Variants in MAPRE3 observed in about 807,000 individuals in gnomAD.
MAPRE3 encodes microtubule-associated protein RP/EB family member 3.
Under a neutral mutation model 30.5 loss-of-function variants are expected in MAPRE3, and 2 were observed. The observed-to-expected ratio is 0.07, with a 90% confidence interval of 0.03 to 0.21. The LOEUF is 0.21. Among genes scored for constraint, MAPRE3 ranks in the 10% least tolerant of loss-of-function variants. MAPRE3 has a pLI of 1.00. For missense variants in MAPRE3, 204 were observed against 351.8 expected (o/e 0.58, Z 3.36); for synonymous variants, 110 against 127.7 (o/e 0.86, Z 0.93).
In MAPRE3 at chr2:27,026,615, T is replaced by G; in HGVS notation, c.*267T>G. The G allele has an allele frequency of 5.0e-6, 2 of 398,402 alleles. No homozygotes were observed. Among genetic ancestry groups the G allele is most frequent in the Non-Finnish European group, 8.9e-6 (2 of 224,432 alleles). 24.7% of individuals were successfully genotyped at this position (398,402 alleles called of 1,614,324 possible). A position where few individuals can be genotyped will look rare whatever the true frequency, so the allele number is the denominator to read the frequency against. Reference sequence around the variant, plus strand: ...GTCTCTCTGCTGTGTCGCCCAACACTTCCCAGGGTGCTGCTGCCACCCGCC... The same window carrying G: ...GTCTCTCTGCTGTGTCGCCCAACACGTCCCAGGGTGCTGCTGCCACCCGCC... On this transcript the variant is annotated 3_prime_UTR_variant, in exon 7 of 7. Coordinates refer to ENST00000233121, the MANE Select transcript of MAPRE3 (RefSeq NM_012326.4).
intron 4 of MAPRE3, among the ~76,000 whole-genome samples, chr2:27,024,976 A>G (rs1437999787): frequency 6.6e-6 from 1 of 152,014 alleles, no homozygotes; most frequent in Non-Finnish European, 1.5e-5. Flanking sequence ...CTTGCTTTGC[A>G]CTAGAAGCAG....
intron 6 of MAPRE3, 29 bp from the exon 7 acceptor site, chr2:27,026,251 A>G: frequency 6.3e-7 from 1 of 1,599,214 alleles, no homozygotes; most frequent in East Asian, 2.2e-5. Flanking sequence ...TGCCTGGCCC[A>G]CCACTTTCCT....
At chr2:27,018,506 T>C (rs959541414) in intron 1 of MAPRE3, among the ~76,000 whole-genome samples, 3 of 152,220 alleles carry the variant, frequency 2.0e-5, no homozygotes, top group African/African-American at 4.8e-5. Flanking sequence ...TAGCACACTT[T>C]GGGGCATTTG....
At position 27,025,662 on chromosome 2, in the gene MAPRE3, T is replaced by A; in HGVS notation, c.549T>A (p.Ile183=). 1 of 1,612,966 alleles carries A rather than the reference T, an allele frequency of 6.2e-7. No homozygotes were observed. The highest frequency in any genetic ancestry group is 1.3e-5 in the African/African-American group (1 of 74,988). ...GRLSNVAPPC[I]LRKNPPSARN... is the part of the protein sequence containing the mutation. ...TGAGCAATGTGGCCCCCCCCTGCAT[T>A]CTCCGGAAGAATCCTCCATCAGCCC... The change falls in exon 5 of 7, where the codon ATT becomes ATA. Residue 183 remains isoleucine, a synonymous_variant. Transcript: ENST00000233121.
At chr2:27,009,165 ATGGAG>A (rs1666795448) in intron 1 of MAPRE3, among the ~76,000 whole-genome samples, 1 of 152,202 alleles carries the variant, frequency 6.6e-6, no homozygotes, top group East Asian at 1.9e-4. Flanking sequence ...ATAAAATTTC[ATGGAG>A]TATATGCCAA....
chr2:26,976,642 G>A (rs1666019760), intron 1 of MAPRE3, among the ~76,000 whole-genome samples: 1 of 152,138 alleles, frequency 6.6e-6, no homozygotes, highest in Non-Finnish European at 1.5e-5. Context: ...TTTAGGCTCT[G>A]GATGCTTCAT....
chr2:26,984,678 G>A (rs573271031), intron 1 of MAPRE3: 1 of 152,318 alleles, frequency 6.6e-6, no homozygotes, highest in South Asian at 2.1e-4. Flanking sequence ...CCAACCCTAA[G>A]CCCCTCCATA....
Position 27,015,315 on chromosome 2 carries a change from T to G in MAPRE3, c.-7-6897T>G, listed in dbSNP as rs540285338. On this transcript the variant is annotated intron_variant, in intron 1 of 6. Coordinates refer to ENST00000233121, the MANE Select transcript of MAPRE3 (RefSeq NM_012326.4). The surrounding 1 kb of genome is among the most constrained non-coding windows in gnomAD (Gnocchi z 4.0). ...GCTCACTTAATCCTCATAACTGTTCTGTGAGGTGGGAGCTGTCACTGTCCT... is the reference window on the plus strand; with the variant it reads ...GCTCACTTAATCCTCATAACTGTTCGGTGAGGTGGGAGCTGTCACTGTCCT... Among the ~76,000 whole-genome samples, 2 of 152,366 alleles carry G rather than the reference T, an allele frequency of 1.3e-5. No homozygotes were observed. The highest frequency in any genetic ancestry group is 4.1e-4 in the South Asian group (2 of 4,830).
rs755355310 is a variant in MAPRE3 at position 27,023,494 on chromosome 2, T to G, written c.267+17T>G. 7 of 1,613,182 alleles carry G rather than the reference T, an allele frequency of 4.3e-6. No homozygotes were observed. The Admixed American group carries it at 1.2e-4, about 27-fold the overall frequency. ...GTTGACAAAGTAGGTGCCTGCGCTC[T>G]GGGGGGCCCTGAGGAGCAGTGTGAC... On this transcript the variant is annotated intron_variant, in intron 3 of 6. Transcript: ENST00000233121.
chr2:26,993,095 C>T (rs765316802), intron 1 of MAPRE3, among the ~76,000 whole-genome samples: 13 of 152,070 alleles, frequency 8.5e-5, no homozygotes, highest in South Asian at 2.1e-4. Flanking sequence ...ATTAGCCAGG[C>T]GCAGTGGCTC....
chr2:27,023,193 C>A, intron 2 of MAPRE3, 139 bp from the exon 3 acceptor site: 1 of 831,998 alleles, frequency 1.2e-6, no homozygotes, highest in Non-Finnish European at 1.8e-6. Context: ...GGATTCTGGC[C>A]ATGTCTATCC....
intron 1 of MAPRE3, among the ~76,000 whole-genome samples, chr2:27,018,565 C>T (rs1427868522): frequency 1.3e-5 from 2 of 152,160 alleles, no homozygotes; most frequent in African/African-American, 4.8e-5. Context: ...AGATTATGAA[C>T]TCCTTGAGGA....
At chr2:27,000,784 T>C (rs1666578775) in intron 1 of MAPRE3, among the ~76,000 whole-genome samples, 1 of 152,194 alleles carries the variant, frequency 6.6e-6, no homozygotes, top group Non-Finnish European at 1.5e-5. Flanking sequence ...AGTGGGACCT[T>C]GTAAAACCAG....
At chr2:26,979,460 C>T (rs1171499167) in intron 1 of MAPRE3, among the ~76,000 whole-genome samples, 1 of 152,142 alleles carries the variant, frequency 6.6e-6, no homozygotes, top group African/African-American at 2.4e-5. Context: ...GTGGCATATA[C>T]CTATAGTCCC....
chr2:26,975,534 A>G (rs1226105217), intron 1 of MAPRE3, among the ~76,000 whole-genome samples: 2 of 152,250 alleles, frequency 1.3e-5, no homozygotes, highest in African/African-American at 4.8e-5. Flanking sequence ...GTAGGGAAGG[A>G]AATACCCATG....
rs1572746820 is a variant in MAPRE3, at chr2:26,986,839, C to T, written c.-8+16037C>T. 1 of 152,168 alleles carries T rather than the reference C, an allele frequency of 6.6e-6. No homozygotes were observed. 9.4% of individuals were successfully genotyped at this position (152,168 alleles called of 1,614,324 possible). A position where few individuals can be genotyped will look rare whatever the true frequency, so the allele number is the denominator to read the frequency against. ...TGGGGATTAGAGGTAATGGGGCATG[C>T]TTGTTTGAATGGAGAGTGAGAGGGC... is the stretch of plus-strand genomic sequence containing the variant. On this transcript the variant is annotated intron_variant, in intron 1 of 6. Transcript: ENST00000233121. The surrounding 1 kb of genome is among the most constrained non-coding windows in gnomAD (Gnocchi z 4.2).
chr2:27,006,584 C>T (rs1666733640), intron 1 of MAPRE3, among the ~76,000 whole-genome samples: 1 of 152,148 alleles, frequency 6.6e-6, no homozygotes, highest in Non-Finnish European at 1.5e-5. Flanking sequence ...GCATGTGCCA[C>T]CACGTCCCAC....
chr2:27,024,330 G>A, intron 4 of MAPRE3, 33 bp downstream of exon 4: 1 of 1,600,568 alleles, frequency 6.2e-7, no homozygotes, highest in Non-Finnish European at 8.5e-7. Flanking sequence ...GGGAGCGTGG[G>A]GGGCCGGGCC....
chr2:26,985,270 G>A lies in MAPRE3; in HGVS notation c.-8+14468G>A, dbSNP rs1226529671. ...GGATGTTGGCCTTTCCTCAAGTCAG[G>A]CAGAATCCTACCTGGGCCATCTTCC... On this transcript the variant is annotated intron_variant, in intron 1 of 6. Coordinates refer to ENST00000233121, the MANE Select transcript of MAPRE3 (RefSeq NM_012326.4). This position sits in a 1 kb window ranked among gnomAD's most constrained non-coding sequence, Gnocchi z 4.2. Among the ~76,000 whole-genome samples the A allele has an allele frequency of 6.6e-6, 1 of 152,188 alleles. No individual in the cohort carries two copies. The highest frequency in any genetic ancestry group is 2.4e-5 in the African/African-American group (1 of 41,452).
Sources: allele counts gnomAD v4.1 joint callset (sites outside exome capture counted in the v4.1 genomes callset), GRCh38; gene constraint gnomAD v4.1.1; non-coding constraint Gnocchi (gnomAD v3.1); transcripts MANE v1.5; gene names NCBI Gene and HGNC (gene_info 2026-07-23, HGNC 2026-07-21).